The following HECW2 variants were observed in gnomAD, a reference collection of about 807,000 sequenced individuals.
HECW2 encodes the protein HECT, C2 and WW domain containing E3 ubiquitin protein ligase 2.
A neutral mutation model predicts 175.2 loss-of-function variants in HECW2; 61 were observed. The ratio of observed to expected loss-of-function variants is 0.35; its 90% CI spans 0.28 to 0.43. The LOEUF is 0.43. Among genes scored for constraint, HECW2 ranks in the 20% least tolerant of loss-of-function variants. The pLI, the probability that HECW2 is intolerant of heterozygous loss-of-function variation, is 1.00. For synonymous variants in HECW2, 671 were observed against 731.0 expected (o/e 0.92, Z 1.32); for missense variants, 1,524 against 2,000.5 (o/e 0.76, Z 4.54).
At chr2:196,540,881 C>T (rs1689188922) in intron 1 of HECW2, among the ~76,000 whole-genome samples, 1 of 152,148 alleles carries the variant, frequency 6.6e-6, no homozygotes, top group African/African-American at 2.4e-5. Flanking sequence ...GCTGTTCCTC[C>T]CATTTACTGA....
At position 196,220,108 on chromosome 2, in the gene HECW2, C is replaced by A. The variant is rs754860473; in HGVS notation, c.4339G>T (p.Glu1447Ter). The A allele has an allele frequency of 6.2e-7, 1 of 1,613,730 alleles. No individual in the cohort carries two copies. Among genetic ancestry groups the A allele is most frequent in the Non-Finnish European group, 8.5e-7 (1 of 1,179,902 alleles). Residue 1447 changes from glutamate (E) to a stop codon, truncating the protein, a stop_gained, in exon 26 of 29, where the codon GAA becomes TAA. Coordinates refer to ENST00000644978, the MANE Select transcript of HECW2 (RefSeq NM_001348768.2). LOFTEE classifies it high-confidence loss of function. The stretch of plus-strand genomic sequence containing the variant: ...TCAGCTGTGCCTGCGATGACCAATT[C>A]CAGTTCTCTTGCATCAAAAACAGAT... ...LVSVFDAREL[E>*]LVIAGTAEID...
At chr2:196,558,550 C>T (rs887655212) in intron 1 of HECW2, among the ~76,000 whole-genome samples, 9 of 152,230 alleles carry the variant, frequency 5.9e-5, no homozygotes, top group African/African-American at 1.9e-4. Context: ...ACCATTTGAA[C>T]GTGATTAATT....
In HECW2 at chr2:196,220,020, T is replaced by G; in HGVS notation, c.4408+19A>C. 7.0e-7 allele frequency: 1 copy of G among 1,428,582 alleles called. No individual in the cohort carries two copies. Among genetic ancestry groups the G allele is most frequent in the Non-Finnish European group, 9.9e-7 (1 of 1,011,670 alleles). 88.5% of individuals were successfully genotyped at this position (1,428,582 alleles called of 1,614,324 possible). ...TAATTTGAAATTTAAAATCTAGCCA[T>G]CTATAAATCAAATTTCACCTCCTCT... On this transcript the variant is annotated intron_variant, in intron 26 of 28. Coordinates refer to ENST00000644978, the MANE Select transcript of HECW2 (RefSeq NM_001348768.2).
At chr2:196,280,511 A>C (rs1690146520) in intron 14 of HECW2, among the ~76,000 whole-genome samples, 1 of 152,228 alleles carries the variant, frequency 6.6e-6, no homozygotes, top group South Asian at 2.1e-4. Context: ...AAGCAGAAAA[A>C]TGGACAGAAC....
At chr2:196,218,340 A>G (rs1687549708) in intron 26 of HECW2, 1 of 152,222 alleles carries the variant, frequency 6.6e-6, no homozygotes, top group South Asian at 2.1e-4. Flanking sequence ...AGTGCCAAGT[A>G]GCTGGGTGAG....
chr2:196,553,492 T>C (rs1689671476), intron 1 of HECW2, among the ~76,000 whole-genome samples: 1 of 152,184 alleles, frequency 6.6e-6, no homozygotes, highest in Non-Finnish European at 1.5e-5. Flanking sequence ...AGGAGACAGA[T>C]AATAAGCAAG....
intron 2 of HECW2, among the ~76,000 whole-genome samples, chr2:196,425,871 A>T (rs1186076619): frequency 6.6e-6 from 1 of 152,220 alleles, no homozygotes; most frequent in African/African-American, 2.4e-5. Context: ...AATTTTGAAA[A>T]AAGTTCTACT....
chr2:196,324,544 T>C (rs1365099901), intron 6 of HECW2, among the ~76,000 whole-genome samples: 2 of 152,190 alleles, frequency 1.3e-5, no homozygotes, highest in Non-Finnish European at 1.5e-5. Flanking sequence ...TTGTACTAAA[T>C]GTATGCTACA....
intron 10 of HECW2, among the ~76,000 whole-genome samples, chr2:196,310,559 A>T (rs987457383): frequency 2.6e-5 from 4 of 152,174 alleles, no homozygotes; most frequent in East Asian, 3.8e-4. Flanking sequence ...CCAACATCTT[A>T]TATGTCTTTA....
intron 1 of HECW2, among the ~76,000 whole-genome samples, chr2:196,471,977 T>TAAAAAA (rs34039865): frequency 7.7e-6 from 1 of 130,240 alleles, no homozygotes; most frequent in Non-Finnish European, 1.7e-5. Context: ...AACAAAAGTT[T>TAAAAAA]AAAAAAAAAA....
intron 2 of HECW2, among the ~76,000 whole-genome samples, chr2:196,373,757 T>C (rs1447360958): frequency 6.6e-6 from 1 of 151,968 alleles, no homozygotes; most frequent in Non-Finnish European, 1.5e-5. Context: ...ATAAGCAAAA[T>C]AAGGTGCATG....
At chr2:196,237,003 A>AT (rs142496787) in intron 21 of HECW2, among the ~76,000 whole-genome samples, 4,308 of 152,168 alleles carry the variant, frequency 0.028, 172 homozygotes, top group African/African-American at 0.096. Flanking sequence ...TGCAAAATAG[A>AT]TTTTTTCTTT....
chr2:196,212,685 A>G (rs1449322087), intron 28 of HECW2, among the ~76,000 whole-genome samples: 1 of 152,176 alleles, frequency 6.6e-6, no homozygotes, highest in African/African-American at 2.4e-5. Flanking sequence ...TAACTGAATG[A>G]TTTATATTCT....
chr2:196,309,974 A>C (rs1051650202), intron 10 of HECW2, among the ~76,000 whole-genome samples: 1 of 152,256 alleles, frequency 6.6e-6, no homozygotes, highest in African/African-American at 2.4e-5. Flanking sequence ...TGGAACTAAC[A>C]AAGTAGGAAT....
intron 13 of HECW2, among the ~76,000 whole-genome samples, chr2:196,299,523 A>C (rs78109774): frequency 0.022 from 3,424 of 152,302 alleles, 70 homozygotes; most frequent in South Asian, 0.092. Context: ...AAACAAAACA[A>C]AGCAAAATAA....
chr2:196,343,621 CAAT>C (rs1692842802), intron 3 of HECW2, 33 bp downstream of exon 3: 4 of 1,312,370 alleles, frequency 3.0e-6, no homozygotes, highest in Middle Eastern at 1.8e-4. Flanking sequence ...ATGCAATGTT[CAAT>C]AATAAGTTTA....
chr2:196,380,939 T>G (rs979821227), intron 2 of HECW2, among the ~76,000 whole-genome samples: 1 of 152,174 alleles, frequency 6.6e-6, no homozygotes, highest in African/African-American at 2.4e-5. Flanking sequence ...TCTAAAAAAG[T>G]TGACTTTTGC....
chr2:196,225,954 C>T (rs905510645), intron 22 of HECW2, 84 bp from the exon 23 acceptor site: 69 of 796,746 alleles, frequency 8.7e-5, no homozygotes, highest in Admixed American at 1.5e-4. Context: ...TGCCTTCCAG[C>T]GCTAACCATC....
Position 196,593,549 on chromosome 2 carries a change from GCAT to G in HECW2, c.-80_-78del, listed in dbSNP as rs1320939638. 6.6e-6 allele frequency: 1 copy of G among 152,440 alleles called. No homozygotes were observed. Among genetic ancestry groups the G allele is most frequent in the African/African-American group, 2.4e-5 (1 of 41,466 alleles). 9.4% of individuals were successfully genotyped at this position (152,440 alleles called of 1,614,324 possible). ...GCCCTTCCCGCTAGACGCTTCGGCG[GCAT>G]CTGCCCGCACCGCCCTGCGGGACGC... On this transcript the variant is annotated 5_prime_UTR_variant, in exon 1 of 29. An upstream start codon of the reference 5' UTR is lost. Coordinates refer to ENST00000644978, the MANE Select transcript of HECW2 (RefSeq NM_001348768.2).
Sources: allele counts gnomAD v4.1 joint callset (sites outside exome capture counted in the v4.1 genomes callset), GRCh38; gene constraint gnomAD v4.1.1; transcripts MANE v1.5; gene names NCBI Gene and HGNC (gene_info 2026-07-23, HGNC 2026-07-21).